Variants in JARID2 observed in about 807,000 individuals in gnomAD.
JARID2 encodes protein Jumonji.
JARID2 carries 21 observed loss-of-function variants against 125.6 expected under a neutral mutation model. The ratio of observed to expected loss-of-function variants is 0.17; its 90% CI spans 0.12 to 0.24. The LOEUF is 0.24. Ranked by LOEUF, JARID2 falls within the 10% of genes least tolerant of loss-of-function variation. JARID2 has a pLI of 1.00. For missense variants in JARID2, 1,303 were observed against 1,639.6 expected (o/e 0.79, Z 3.55); for synonymous variants, 736 against 661.6 (o/e 1.11, Z -1.73).
intron 3 of JARID2, among the ~76,000 whole-genome samples, chr6:15,425,094 A>C (rs1254340058): frequency 6.6e-6 from 1 of 152,216 alleles, no homozygotes; most frequent in African/African-American, 2.4e-5. Flanking sequence ...TGTAATACAG[A>C]CTCAGTAAAT....
At chr6:15,306,687 C>T (rs1761839914) in intron 1 of JARID2, among the ~76,000 whole-genome samples, 1 of 151,826 alleles carries the variant, frequency 6.6e-6, no homozygotes, top group East Asian at 1.9e-4. Flanking sequence ...AGTCCACATT[C>T]TGGGGAAAGG....
intron 1 of JARID2, among the ~76,000 whole-genome samples, chr6:15,257,457 C>T (rs182236527): frequency 7.0e-4 from 106 of 152,258 alleles, no homozygotes; most frequent in African/African-American, 2.5e-3. Context: ...TCATGGTAAT[C>T]AAAGACAGTG....
intron 1 of JARID2, among the ~76,000 whole-genome samples, chr6:15,276,258 A>G (rs1487275530): frequency 1.3e-5 from 2 of 152,158 alleles, no homozygotes; most frequent in Non-Finnish European, 2.9e-5. Context: ...TTTTCAGCTG[A>G]CTTGCAGAAA....
intron 1 of JARID2, among the ~76,000 whole-genome samples, chr6:15,368,065 T>G (rs538710955): frequency 4.6e-5 from 7 of 152,300 alleles, no homozygotes; most frequent in Non-Finnish European, 1.0e-4. Flanking sequence ...AGACAAATTA[T>G]AAGAACTCTT....
At chr6:15,410,053 T>C (rs1765812205) in intron 2 of JARID2, among the ~76,000 whole-genome samples, 171 bp from the exon 3 acceptor site, 1 of 152,250 alleles carries the variant, frequency 6.6e-6, no homozygotes, top group Non-Finnish European at 1.5e-5. Flanking sequence ...AAAGGTCTCA[T>C]AGAATGAGGT....
intron 1 of JARID2, chr6:15,368,589 G>C (rs927502933): frequency 1.1e-5 from 4 of 375,416 alleles, no homozygotes; most frequent in Non-Finnish European, 2.1e-5. Flanking sequence ...CCCAAGTTGA[G>C]TAACCAAAAG....
chr6:15,371,325 G>A (rs1008057292), intron 1 of JARID2, among the ~76,000 whole-genome samples: 5 of 152,106 alleles, frequency 3.3e-5, no homozygotes, highest in African/African-American at 1.2e-4. Flanking sequence ...GCTATTTTGG[G>A]GCCTTATAAT....
chr6:15,265,055 A>AT (rs1274398068), intron 1 of JARID2, among the ~76,000 whole-genome samples: 1 of 152,214 alleles, frequency 6.6e-6, no homozygotes, highest in Non-Finnish European at 1.5e-5. Context: ...CATCAGCTGC[A>AT]TAAGTGATGA....
chr6:15,348,366 A>G (rs914452135), intron 1 of JARID2, among the ~76,000 whole-genome samples: 6 of 152,214 alleles, frequency 3.9e-5, no homozygotes, highest in Admixed American at 3.3e-4. Context: ...TTGGGATTAC[A>G]GGCGTGAGCC....
At chr6:15,350,941 C>T (rs1465744122) in intron 1 of JARID2, among the ~76,000 whole-genome samples, 1 of 151,438 alleles carries the variant, frequency 6.6e-6, no homozygotes, top group Non-Finnish European at 1.5e-5. Context: ...TTACTTATTC[C>T]AGGGTAGCTG....
At chr6:15,265,522 T>C (rs559243498) in intron 1 of JARID2, among the ~76,000 whole-genome samples, 28 of 152,258 alleles carry the variant, frequency 1.8e-4, no homozygotes, top group African/African-American at 6.5e-4. Context: ...GATTTGGCTC[T>C]GTGAGATTTA....
At chr6:15,354,556 TA>T (rs1763534424) in intron 1 of JARID2, among the ~76,000 whole-genome samples, 1 of 152,188 alleles carries the variant, frequency 6.6e-6, no homozygotes, top group Non-Finnish European at 1.5e-5. Context: ...GGCACACTTC[TA>T]AAAACTTTCA....
At chr6:15,448,987 T>G (rs911805994) in intron 3 of JARID2, among the ~76,000 whole-genome samples, 3 of 152,076 alleles carry the variant, frequency 2.0e-5, no homozygotes, top group African/African-American at 7.2e-5. Flanking sequence ...AAAAAGACAT[T>G]TGTAACAGAT....
At position 15,487,322 on chromosome 6, in the gene JARID2, G is replaced by A. The variant is rs770303643; in HGVS notation, c.686G>A (p.Ser229Asn). 6 of 1,613,962 alleles carry A rather than the reference G, an allele frequency of 3.7e-6. No individual in the cohort carries two copies. The South Asian group carries it at 5.5e-5, about 15-fold the overall frequency. Residue 229 changes from serine to asparagine, a missense_variant, in exon 6 of 18, where the codon AGC becomes AAC. Coordinates refer to ENST00000341776, the MANE Select transcript of JARID2 (RefSeq NM_004973.4). ...TCCTTTCTAGTTTTCAATGGTTCCA[G>A]CAGGTCAACACGGGAGAAGGAACCT... is the stretch of plus-strand genomic sequence containing the variant. ...VHNGHVFNGS[S>N]RSTREKEPVQ...
intron 1 of JARID2, among the ~76,000 whole-genome samples, chr6:15,341,825 TA>T (rs1763079435): frequency 6.6e-6 from 1 of 152,210 alleles, no homozygotes. Flanking sequence ...CATAGTTTAA[TA>T]TTATGGGAGG....
chr6:15,319,060 C>T (rs1406414080), intron 1 of JARID2, among the ~76,000 whole-genome samples: 1 of 152,118 alleles, frequency 6.6e-6, no homozygotes, highest in South Asian at 2.1e-4. Flanking sequence ...AAAATTGGGC[C>T]TTTTGTATTT....
In JARID2 at chr6:15,513,438, C is replaced by G. The variant is rs758215024; in HGVS notation, c.3450+16C>G. 15 of 1,558,342 alleles carry G rather than the reference C, an allele frequency of 9.6e-6. No homozygotes were observed. The Middle Eastern group carries it at 5.2e-4, about 54-fold the overall frequency. On this transcript the variant is annotated intron_variant, in intron 16 of 17. Coordinates refer to ENST00000341776, the MANE Select transcript of JARID2 (RefSeq NM_004973.4). ...CCTGTCCATGGTGAGCCCGCCTGGC[C>G]CTGCCGGCGCCCTCGCATGTAGTGC...
chr6:15,350,642 T>G (rs1215355570), intron 1 of JARID2, among the ~76,000 whole-genome samples: 1 of 152,092 alleles, frequency 6.6e-6, no homozygotes, highest in Non-Finnish European at 1.5e-5. Flanking sequence ...TTCCTTATAG[T>G]CATCGTTGGG....
At chr6:15,263,845 G>C (rs958449534) in intron 1 of JARID2, among the ~76,000 whole-genome samples, 1 of 152,024 alleles carries the variant, frequency 6.6e-6, no homozygotes, top group African/African-American at 2.4e-5. Context: ...TGCCTGCCTC[G>C]GCCTCCCAAA....
Sources: allele counts gnomAD v4.1 joint callset (sites outside exome capture counted in the v4.1 genomes callset), GRCh38; gene constraint gnomAD v4.1.1; transcripts MANE v1.5; gene names NCBI Gene and HGNC (gene_info 2026-07-23, HGNC 2026-07-21).